Variants in SCAPER observed in about 807,000 individuals in gnomAD.
The protein encoded by SCAPER is S-phase cyclin A associated protein in the ER, also known as S phase cyclin A-associated protein in the endoplasmic reticulum.
In SCAPER, 98 loss-of-function variants were observed where a neutral mutation model predicts 182.2. That is an observed-to-expected ratio of 0.54 (90% CI 0.46 to 0.64). The LOEUF (loss-of-function observed/expected upper bound fraction) is 0.64. Among genes scored for constraint, SCAPER ranks in the 30% least tolerant of loss-of-function variants. The pLI, the probability that SCAPER is intolerant of heterozygous loss-of-function variation, is 0.00. For missense variants in SCAPER, 1,432 were observed against 1,690.0 expected, an observed-to-expected ratio of 0.85 and a Z score of 2.68; for synonymous variants, 605 against 564.6, an observed-to-expected ratio of 1.07 and a Z score of -1.01.
At chr15:76,516,722 A>G (rs1378406196) in intron 23 of SCAPER, among the ~76,000 whole-genome samples, 1 of 152,186 alleles carries the variant, frequency 6.6e-6, no homozygotes, top group African/African-American at 2.4e-5. Flanking sequence ...TCCTTTGGGT[A>G]TATACCCAGT....
intron 27 of SCAPER, among the ~76,000 whole-genome samples, chr15:76,394,599 C>T (rs1487780429): frequency 2.6e-5 from 4 of 152,186 alleles, no homozygotes; most frequent in Admixed American, 1.3e-4. Context: ...GCACTTTCCA[C>T]CTTCTAATAC....
chr15:76,522,127 G>C (rs973060593), intron 23 of SCAPER, among the ~76,000 whole-genome samples: 6 of 152,132 alleles, frequency 3.9e-5, no homozygotes, highest in African/African-American at 1.4e-4. Context: ...TAGACTGTTA[G>C]TGTATAATAT....
At chr15:76,404,754 A>T in intron 26 of SCAPER, 75 bp from the exon 27 acceptor site, 1 of 1,489,128 alleles carries the variant, frequency 6.7e-7, no homozygotes, top group Non-Finnish European at 9.1e-7. Flanking sequence ...GATAAATGCT[A>T]CCATACACAG....
chr15:76,426,754 T>C (rs2046464950), intron 26 of SCAPER, among the ~76,000 whole-genome samples: 1 of 152,092 alleles, frequency 6.6e-6, no homozygotes, highest in South Asian at 2.1e-4. Context: ...ACAGCCTGAA[T>C]AGCCAAAGCA....
chr15:76,508,810 T>G (rs1343334346), intron 23 of SCAPER, among the ~76,000 whole-genome samples: 2 of 152,188 alleles, frequency 1.3e-5, no homozygotes, highest in Non-Finnish European at 2.9e-5. Flanking sequence ...CTCCAGAAAG[T>G]TCCCCCATGC....
rs117646286 is a variant in SCAPER at position 76,872,982 on chromosome 15, G to C, written c.7-10449C>G. Among the ~76,000 whole-genome samples, 1,154 of 150,988 alleles carry C rather than the reference G, an allele frequency of 7.6e-3. 8 individuals carry two copies. Among genetic ancestry groups the C allele is most frequent in the Middle Eastern group, 0.024 (7 of 292 alleles). On this transcript the variant is annotated intron_variant, in intron 2 of 31. Coordinates refer to ENST00000563290, the MANE Select transcript of SCAPER (RefSeq NM_020843.4). ...AAGAAATGTTGGGCCGGGCACAGTA[G>C]TTCACACCTGTAATCCCAACACTCT...
At chr15:76,755,132 T>C (rs2062339670) in intron 14 of SCAPER, among the ~76,000 whole-genome samples, 1 of 152,198 alleles carries the variant, frequency 6.6e-6, no homozygotes, top group African/African-American at 2.4e-5. Flanking sequence ...GAAAATACAC[T>C]ATAATTTTGC....
At chr15:76,740,867 T>A (rs1441778307) in intron 15 of SCAPER, among the ~76,000 whole-genome samples, 2 of 152,026 alleles carry the variant, frequency 1.3e-5, no homozygotes, top group African/African-American at 4.8e-5. Context: ...AAGAGAAAAA[T>A]AATAAAACTA....
rs1446176784 is a variant in SCAPER at position 76,404,588 on chromosome 15, A to C, written c.3403T>G (p.Phe1135Val). The C allele has an allele frequency of 6.2e-7, 1 of 1,613,732 alleles. No individual in the cohort carries two copies. The highest frequency in any genetic ancestry group is 1.7e-5 in the Admixed American group (1 of 60,012). Residue 1135 changes from phenylalanine to valine, a missense_variant, in exon 27 of 32, where the codon TTT (phenylalanine) becomes GTT (valine). Phe to Val is a conservative substitution (Grantham distance 50). This residue lies in a region of SCAPER where 718 missense variants were observed against 799.7 expected (regional missense o/e 0.90). Transcript: ENST00000563290. The stretch of plus-strand genomic sequence containing the variant: ...AAGAGTCCTGCGGCATGCTGCAGAA[A>C]TATGGCCATCTTGGGATTCTCATCC... ...PVDENPKMAI[F>V]LQHAAGLLHA...
intron 2 of SCAPER, among the ~76,000 whole-genome samples, chr15:76,866,098 A>G (rs1288384426): frequency 6.6e-6 from 1 of 152,174 alleles, no homozygotes; most frequent in Non-Finnish European, 1.5e-5. Flanking sequence ...GGCATCTATC[A>G]TTTAGCATTG....
intron 26 of SCAPER, among the ~76,000 whole-genome samples, chr15:76,409,622 A>C (rs2045133602): frequency 6.6e-6 from 1 of 152,080 alleles, no homozygotes. Flanking sequence ...TAAAAAAAAA[A>C]ACTAAAATGA....
chr15:76,392,263 T>C (rs143958532), intron 27 of SCAPER, among the ~76,000 whole-genome samples: 1 of 152,300 alleles, frequency 6.6e-6, no homozygotes, highest in African/African-American at 2.4e-5. Flanking sequence ...TTCTATAAGC[T>C]ATCTCAAGTT....
intron 24 of SCAPER, among the ~76,000 whole-genome samples, chr15:76,475,259 C>G (rs1321865161): frequency 1.3e-5 from 2 of 151,980 alleles, no homozygotes; most frequent in African/African-American, 4.8e-5. Context: ...TCCCATTTTC[C>G]CATATCTTAA....
At chr15:76,506,064 G>A (rs1430327668) in intron 23 of SCAPER, among the ~76,000 whole-genome samples, 1 of 151,974 alleles carries the variant, frequency 6.6e-6, no homozygotes, top group Non-Finnish European at 1.5e-5. Flanking sequence ...AACTCATGGA[G>A]ATAGAGAATG....
At chr15:76,770,252 T>C (rs1414418247) in intron 10 of SCAPER, among the ~76,000 whole-genome samples, 2 of 151,658 alleles carry the variant, frequency 1.3e-5, no homozygotes, top group Non-Finnish European at 2.9e-5. Context: ...ATACCTAAAG[T>C]AAATGACGAG....
At chr15:76,572,918 C>CACACA (rs2047543362) in intron 23 of SCAPER, among the ~76,000 whole-genome samples, 1 of 132,266 alleles carries the variant, frequency 7.6e-6, no homozygotes, top group African/African-American at 3.3e-5. Flanking sequence ...CTCTCTCTCT[C>CACACA]TCACACACAC....
intron 26 of SCAPER, among the ~76,000 whole-genome samples, chr15:76,412,877 A>C (rs2045390391): frequency 6.6e-6 from 1 of 152,060 alleles, no homozygotes; most frequent in African/African-American, 2.4e-5. Context: ...TGGATATTAT[A>C]TATATCTCCG....
At chr15:76,884,733 A>G (rs2073751169) in intron 1 of SCAPER, among the ~76,000 whole-genome samples, 1 of 152,258 alleles carries the variant, frequency 6.6e-6, no homozygotes, top group African/African-American at 2.4e-5. Context: ...AGCATTATTC[A>G]TAACAGCTAA....
chr15:76,743,799 C>T (rs576105173), intron 15 of SCAPER, among the ~76,000 whole-genome samples: 32 of 152,190 alleles, frequency 2.1e-4, no homozygotes, highest in African/African-American at 7.7e-4. Flanking sequence ...TTCTAAAATT[C>T]GTATGGAACC....
Sources: allele counts gnomAD v4.1 joint callset (sites outside exome capture counted in the v4.1 genomes callset), GRCh38; gene constraint gnomAD v4.1.1; regional missense constraint gnomAD v4.1.1; transcripts MANE v1.5; gene names NCBI Gene and HGNC (gene_info 2026-07-23, HGNC 2026-07-21).